TTC29: variants seen among roughly 807,000 people sequenced by gnomAD.
TTC29 encodes the protein tetratricopeptide repeat domain 29, also known as tetratricopeptide repeat protein 29.
A neutral mutation model predicts 58.1 loss-of-function variants in TTC29; 49 were observed. That is an observed-to-expected ratio of 0.84 (90% confidence interval 0.67 to 1.07). The LOEUF (loss-of-function observed/expected upper bound fraction) is 1.07. TTC29 is among the 50% of genes least tolerant of loss of function. The pLI, the probability that TTC29 is intolerant of heterozygous loss-of-function variation, is 0.00. For synonymous variants in TTC29, 209 were observed against 196.8 expected, an observed-to-expected ratio of 1.06 and a Z score of -0.52; for missense variants, 582 against 555.6, an observed-to-expected ratio of 1.05 and a Z score of -0.48.
intron 10 of TTC29, among the ~76,000 whole-genome samples, chr4:146,815,930 T>A (rs1403815557): frequency 6.6e-6 from 1 of 152,180 alleles, no homozygotes; most frequent in Non-Finnish European, 1.5e-5. Flanking sequence ...ATTTTCCTAA[T>A]AACAGAAAGC....
chr4:146,719,523 C>T (rs904265177), intron 11 of TTC29, among the ~76,000 whole-genome samples: 5 of 152,092 alleles, frequency 3.3e-5, no homozygotes, highest in South Asian at 2.1e-4. Context: ...AAGTGTATAG[C>T]GTTAGGCTTG....
At chr4:146,924,734 C>A (rs951192754) in intron 4 of TTC29, among the ~76,000 whole-genome samples, 2 of 151,496 alleles carry the variant, frequency 1.3e-5, no homozygotes, top group Non-Finnish European at 3.0e-5. Context: ...TTTTACTATT[C>A]CTTTTTCTCT....
At chr4:146,930,907 T>A (rs1735289801) in intron 4 of TTC29, among the ~76,000 whole-genome samples, 3 of 152,244 alleles carry the variant, frequency 2.0e-5, no homozygotes, top group Non-Finnish European at 4.4e-5. Flanking sequence ...CAAATGGTTT[T>A]TAAATAGAGA....
At chr4:146,776,785 C>T (rs1748133247) in intron 11 of TTC29, among the ~76,000 whole-genome samples, 1 of 152,170 alleles carries the variant, frequency 6.6e-6, no homozygotes, top group African/African-American at 2.4e-5. Flanking sequence ...GAGTGGAGTA[C>T]CGATGGAAGC....
At chr4:146,754,269 C>T (rs753413468) in intron 11 of TTC29, among the ~76,000 whole-genome samples, 1 of 151,634 alleles carries the variant, frequency 6.6e-6, no homozygotes, top group Non-Finnish European at 1.5e-5. Flanking sequence ...ATAAAGCCTA[C>T]CAAGATTGAG....
intron 11 of TTC29, among the ~76,000 whole-genome samples, chr4:146,721,777 A>C (rs1313116740): frequency 1.3e-5 from 2 of 152,136 alleles, no homozygotes; most frequent in Non-Finnish European, 2.9e-5. Context: ...TAATAAGTAC[A>C]TAAAAATTAG....
chr4:146,736,024 G>T (rs1017219869), intron 11 of TTC29, among the ~76,000 whole-genome samples: 1 of 152,152 alleles, frequency 6.6e-6, no homozygotes, highest in South Asian at 2.1e-4. Flanking sequence ...GGACCAAAGG[G>T]AGTCCCTGCC....
At chr4:146,816,559 G>T (rs1002285471) in intron 10 of TTC29, among the ~76,000 whole-genome samples, 1 of 152,036 alleles carries the variant, frequency 6.6e-6, no homozygotes, top group Non-Finnish European at 1.5e-5. Context: ...TGACCCAGGG[G>T]TCAGAGAGCA....
chr4:146,897,512 G>A (rs1732847938), intron 6 of TTC29, among the ~76,000 whole-genome samples: 1 of 152,102 alleles, frequency 6.6e-6, no homozygotes, highest in South Asian at 2.1e-4. Flanking sequence ...CTCTCTCCTT[G>A]GTCCCTCTCC....
chr4:146,926,433 T>A (rs1734934212), intron 4 of TTC29, among the ~76,000 whole-genome samples: 1 of 152,146 alleles, frequency 6.6e-6, no homozygotes, highest in African/African-American at 2.4e-5. Context: ...TATTTTCTAG[T>A]TATAATCTGA....
chr4:146,891,016 G>GATAC (rs1579921504), intron 6 of TTC29, among the ~76,000 whole-genome samples: 2 of 152,040 alleles, frequency 1.3e-5, no homozygotes, highest in East Asian at 3.9e-4. Context: ...TACATAGAGG[G>GATAC]ATACGGAAGG....
intron 4 of TTC29, among the ~76,000 whole-genome samples, chr4:146,930,112 T>TATATATATATATATATAG (rs1735227444): frequency 7.4e-6 from 1 of 134,378 alleles, no homozygotes; most frequent in Non-Finnish European, 1.6e-5. Flanking sequence ...TATATATATA[T>TATATATATATATATATAG]ATATATACAC....
intron 11 of TTC29, among the ~76,000 whole-genome samples, chr4:146,758,342 A>C (rs1228490959): frequency 1.3e-5 from 2 of 152,148 alleles, no homozygotes; most frequent in Non-Finnish European, 2.9e-5. Context: ...ATTATAAAAC[A>C]ATTACTAATA....
intron 8 of TTC29, among the ~76,000 whole-genome samples, chr4:146,841,909 G>A (rs1728874389): frequency 6.6e-6 from 1 of 152,048 alleles, no homozygotes; most frequent in African/African-American, 2.4e-5. Context: ...AATAAGATTA[G>A]GTATGTAAAA....
chr4:146,849,613 A>G (rs1381413679), intron 8 of TTC29, among the ~76,000 whole-genome samples: 1 of 152,098 alleles, frequency 6.6e-6, no homozygotes, highest in Non-Finnish European at 1.5e-5. Flanking sequence ...AATAATAGCC[A>G]ATATTAACTT....
intron 11 of TTC29, among the ~76,000 whole-genome samples, chr4:146,734,341 T>C (rs1158478526): frequency 6.6e-6 from 1 of 152,130 alleles, no homozygotes; most frequent in Non-Finnish European, 1.5e-5. Flanking sequence ...AGGGAGGGTA[T>C]GAAAGCTCTG....
At chr4:146,904,643 G>A (rs1733402576) in intron 5 of TTC29, among the ~76,000 whole-genome samples, 1 of 152,040 alleles carries the variant, frequency 6.6e-6, no homozygotes, top group South Asian at 2.1e-4. Context: ...AATCATAGTT[G>A]TATTATAAAA....
intron 11 of TTC29, among the ~76,000 whole-genome samples, chr4:146,750,586 A>G (rs1561087804): frequency 6.6e-6 from 1 of 152,248 alleles, no homozygotes; most frequent in Non-Finnish European, 1.5e-5. Context: ...CAAAAACATA[A>G]CTTGTTGAGG....
chr4:146,778,094 G>A (rs1748244883), intron 11 of TTC29, among the ~76,000 whole-genome samples: 2 of 152,004 alleles, frequency 1.3e-5, no homozygotes, highest in Admixed American at 6.6e-5. Flanking sequence ...TTAAGTTTGG[G>A]AGTCATTAGT....
Sources: allele counts gnomAD v4.1 joint callset (sites outside exome capture counted in the v4.1 genomes callset), GRCh38; gene constraint gnomAD v4.1.1; transcripts MANE v1.5; gene names NCBI Gene and HGNC (gene_info 2026-07-23, HGNC 2026-07-21).